The following DOCK8 variants were observed in gnomAD, a reference collection of about 807,000 sequenced individuals.
DOCK8 encodes the protein dedicator of cytokinesis 8, also known as dedicator of cytokinesis protein 8.
A neutral mutation model predicts 245.6 loss-of-function variants in DOCK8; 141 were observed. The observed-to-expected ratio is 0.57, with a 90% CI of 0.50 to 0.66. The LOEUF (loss-of-function observed/expected upper bound fraction) is 0.66. DOCK8 is among the 30% of genes least tolerant of loss of function. The pLI, the probability that DOCK8 is intolerant of heterozygous loss-of-function variation, is 0.00. For missense variants in DOCK8, 2,965 were observed against 2,603.4 expected (o/e 1.14, Z -3.02); for synonymous variants, 1,168 against 970.2 (o/e 1.20, Z -3.79).
At chr9:226,435 C>G (rs2046992341) in intron 1 of DOCK8, among the ~76,000 whole-genome samples, 1 of 152,114 alleles carries the variant, frequency 6.6e-6, no homozygotes, top group Admixed American at 6.6e-5. Context: ...ATGCGATTGA[C>G]TTTTGTGTTT....
chr9:419,016 G>C (rs2056160033), intron 30 of DOCK8, among the ~76,000 whole-genome samples: 2 of 152,168 alleles, frequency 1.3e-5, no homozygotes, highest in South Asian at 4.1e-4. Context: ...GACTCTGTGG[G>C]CTCAAAGAGG....
chr9:386,500 T>A, intron 23 of DOCK8, 74 bp downstream of exon 23: 1 of 1,333,028 alleles, frequency 7.5e-7, no homozygotes, highest in Non-Finnish European at 1.1e-6. Flanking sequence ...CACACTGTGC[T>A]TGGGAATAGT....
chr9:387,482 T>C (rs1421939286), intron 23 of DOCK8, among the ~76,000 whole-genome samples: 2 of 151,908 alleles, frequency 1.3e-5, no homozygotes, highest in African/African-American at 4.8e-5. Context: ...ATATGCTTAT[T>C]GCAAAGGATA....
At chr9:253,462 T>C (rs772591564) in intron 1 of DOCK8, among the ~76,000 whole-genome samples, 37 of 152,206 alleles carry the variant, frequency 2.4e-4, no homozygotes, top group Non-Finnish European at 3.5e-4. Context: ...TCAGTTCTCA[T>C]TCCACCTCTA....
chr9:262,973 G>A (rs1024974811), intron 1 of DOCK8, among the ~76,000 whole-genome samples: 9 of 152,186 alleles, frequency 5.9e-5, no homozygotes, highest in Admixed American at 3.9e-4. Context: ...TTGGGAGGCC[G>A]AGGCGGGTGG....
chr9:383,400 C>G (rs1181807834), intron 22 of DOCK8, among the ~76,000 whole-genome samples: 2 of 152,150 alleles, frequency 1.3e-5, no homozygotes, highest in African/African-American at 2.4e-5. Context: ...GGCGTGGTGG[C>G]ACATGCCTGT....
rs1563938856 is a variant in DOCK8, at chr9:339,114, T to C, written c.1516+15T>C. On this transcript the variant is annotated intron_variant, in intron 13 of 47. Coordinates refer to ENST00000432829, the MANE Select transcript of DOCK8 (RefSeq NM_203447.4). ...GTCAATTCCAGGTGTGAATGACTTA[T>C]CTTTATCCTCTTTAGCTGTGCCAAA... 10 of 1,606,254 alleles carry C rather than the reference T, an allele frequency of 6.2e-6. No homozygotes were observed. The highest frequency in any genetic ancestry group is 1.1e-5 in the South Asian group (1 of 90,930).
At chr9:246,010 A>G (rs552517157) in intron 1 of DOCK8, among the ~76,000 whole-genome samples, 1 of 152,196 alleles carries the variant, frequency 6.6e-6, no homozygotes, top group Non-Finnish European at 1.5e-5. Context: ...GCCTGAGCTC[A>G]GGAGTTCTAG....
chr9:307,340 T>TG (rs1411000764), intron 5 of DOCK8, among the ~76,000 whole-genome samples: 4 of 4,328 alleles, frequency 9.2e-4, no homozygotes, highest in Non-Finnish European at 1.5e-3. Context: ...TTTTTTTTGT[T>TG]TTTTTTTTTT....
chr9:335,601 C>T (rs537383057), intron 11 of DOCK8, among the ~76,000 whole-genome samples: 6 of 151,972 alleles, frequency 3.9e-5, no homozygotes, highest in Non-Finnish European at 5.9e-5. Flanking sequence ...TCTTTAATGC[C>T]GTCTATGTAG....
intron 19 of DOCK8, 64 bp downstream of exon 19, chr9:376,369 C>T: frequency 9.0e-7 from 1 of 1,116,408 alleles, no homozygotes. Context: ...GAAGGACAGG[C>T]CAATAAAAGA....
intron 7 of DOCK8, among the ~76,000 whole-genome samples, chr9:323,222 T>G (rs2050601052): frequency 1.0e-5 from 1 of 99,956 alleles, no homozygotes; most frequent in African/African-American, 5.0e-5. Flanking sequence ...TACCATCTTT[T>G]TTTTTTTTTT....
intron 15 of DOCK8, 72 bp from the exon 16 acceptor site, chr9:370,158 T>G (rs945402916): frequency 2.3e-5 from 30 of 1,289,932 alleles, no homozygotes; most frequent in Non-Finnish European, 3.2e-5. Context: ...AACATCCTGT[T>G]GGCCTGATGA....
chr9:217,285 G>T (rs1002397375), intron 1 of DOCK8, among the ~76,000 whole-genome samples: 1 of 152,182 alleles, frequency 6.6e-6, no homozygotes, highest in African/African-American at 2.4e-5. Flanking sequence ...ATCTTTGAGA[G>T]CCTAAGATAG....
intron 46 of DOCK8, chr9:458,225 GT>G (rs1205856667): frequency 3.3e-5 from 5 of 152,242 alleles, no homozygotes; most frequent in African/African-American, 4.8e-5. Context: ...TGGTTCTAGT[GT>G]ACCCATTCTC....
At position 386,507 on chromosome 9, in the gene DOCK8, T is replaced by C. The variant is rs1470173764; in HGVS notation, c.2874+81T>C. On this transcript the variant is annotated intron_variant, in intron 23 of 47. Coordinates refer to ENST00000432829, the MANE Select transcript of DOCK8 (RefSeq NM_203447.4). ...CATGCCCTCACACTGTGCTTGGGAA[T>C]AGTCAAAGTGCTCCCCTGCCTGTCC... is the stretch of plus-strand genomic sequence containing the variant. The C allele has an allele frequency of 2.4e-6, 3 of 1,235,400 alleles. No homozygotes were observed. In the East Asian group the frequency reaches 7.4e-5, roughly 31 times the overall value. The allele number at this position is 1,235,400 out of a possible 1,614,324, so 76.5% of individuals were successfully genotyped here. A position where few individuals can be genotyped will look rare whatever the true frequency, so the allele number is the denominator to read the frequency against.
At position 406,947 on chromosome 9, in the gene DOCK8, C is replaced by T. The variant is rs1021686323; in HGVS notation, c.3408C>T (p.Ser1136=). 1.9e-6 allele frequency: 3 copies of T among 1,613,970 alleles called. No individual in the cohort carries two copies. Among genetic ancestry groups the T allele is most frequent in the Non-Finnish European group, 1.7e-6 (2 of 1,180,016 alleles). Reference sequence around the variant, plus strand: ...TTCTGTAGAACTCAAGCTCCTGCTCCAGCTTCCAGGACCAGAAGATCGCCA... The same window carrying T: ...TTCTGTAGAACTCAAGCTCCTGCTCTAGCTTCCAGGACCAGAAGATCGCCA... ...SISSQNSSSC[S]SFQDQKIASM... is the part of the protein sequence containing the mutation. The change falls in exon 28 of 48, where the codon TCC becomes TCT. Residue 1136 remains serine (S), a synonymous_variant. Transcript: ENST00000432829.
intron 5 of DOCK8, among the ~76,000 whole-genome samples, chr9:311,693 T>C (rs2050120263): frequency 6.6e-6 from 1 of 152,182 alleles, no homozygotes; most frequent in South Asian, 2.1e-4. Context: ...CTGTTTTTAG[T>C]CCTTTCCTCA....
In DOCK8 at chr9:441,192, T is replaced by C. The variant is rs761054521; in HGVS notation, c.5224-94T>C. The C allele has an allele frequency of 2.8e-5, 43 of 1,555,742 alleles. No individual in the cohort carries two copies. The Admixed American group carries it at 5.0e-4, about 18-fold the overall frequency. ...TACTGTGATACAACAATAAATTCAC[T>C]CTCCAGCACATTGTTTGGACAATGA... is the stretch of plus-strand genomic sequence containing the variant. On this transcript the variant is annotated intron_variant, in intron 40 of 47. Coordinates refer to ENST00000432829, the MANE Select transcript of DOCK8 (RefSeq NM_203447.4).
Sources: allele counts gnomAD v4.1 joint callset (sites outside exome capture counted in the v4.1 genomes callset), GRCh38; gene constraint gnomAD v4.1.1; transcripts MANE v1.5; gene names NCBI Gene and HGNC (gene_info 2026-07-23, HGNC 2026-07-21).